CLASP1: variants seen among roughly 807,000 people sequenced by gnomAD.
CLASP1 encodes the protein cytoplasmic linker associated protein 1, also known as CLIP-associating protein 1.
CLASP1 carries 38 observed loss-of-function variants against 192.3 expected under a neutral mutation model. That is an observed-to-expected ratio of 0.20 (90% CI 0.15 to 0.26). The LOEUF (loss-of-function observed/expected upper bound fraction) is 0.26. CLASP1 is among the 10% of genes least tolerant of loss of function. The probability of loss-of-function intolerance (pLI) is 1.00; values close to 1 mark genes in which losing one functional copy is unlikely to be tolerated. For missense variants in CLASP1, 1,433 were observed against 1,932.5 expected (o/e 0.74, Z 4.85); for synonymous variants, 691 against 712.8 (o/e 0.97, Z 0.49).
intron 2 of CLASP1, among the ~76,000 whole-genome samples, chr2:121,573,877 C>A (rs2060207557): frequency 6.6e-6 from 1 of 152,172 alleles, no homozygotes; most frequent in South Asian, 2.1e-4. Context: ...GCAACTGTGT[C>A]CTGTGAAACC....
At chr2:121,509,834 C>A (rs534358921) in intron 7 of CLASP1, among the ~76,000 whole-genome samples, 4 of 151,916 alleles carry the variant, frequency 2.6e-5, no homozygotes, top group African/African-American at 9.7e-5. Context: ...TGAGACTCTG[C>A]CTCAAAAAAA....
intron 9 of CLASP1, among the ~76,000 whole-genome samples, chr2:121,469,096 T>C (rs1451605460): frequency 1.3e-5 from 2 of 152,216 alleles, no homozygotes; most frequent in Non-Finnish European, 1.5e-5. Flanking sequence ...GTGGGGCTGC[T>C]GCTACTCAGC....
chr2:121,601,712 T>C (rs1270389141), intron 2 of CLASP1, among the ~76,000 whole-genome samples: 3 of 152,166 alleles, frequency 2.0e-5, no homozygotes, highest in Non-Finnish European at 4.4e-5. Context: ...GTAGGTAAAA[T>C]TGTCTCTGTT....
chr2:121,369,151 C>T (rs1195096666), intron 34 of CLASP1, among the ~76,000 whole-genome samples: 1 of 152,174 alleles, frequency 6.6e-6, no homozygotes, highest in African/African-American at 2.4e-5. Context: ...TGCCTTTTGG[C>T]TCTTGTGAAT....
At chr2:121,447,404 G>A (rs1237118260) in exon 19 of CLASP1, 4 of 1,576,642 alleles carry the variant, frequency 2.5e-6, no homozygotes, top group Non-Finnish European at 3.4e-6. Flanking sequence ...CCGAAGATGA[G>A]GAGACTTTGG....
At chr2:121,351,534 C>T (rs2064409437) in intron 37 of CLASP1, among the ~76,000 whole-genome samples, 1 of 152,196 alleles carries the variant, frequency 6.6e-6, no homozygotes, top group African/African-American at 2.4e-5. Flanking sequence ...AGCCCTACCT[C>T]CCTCAAGTCT....
intron 34 of CLASP1, among the ~76,000 whole-genome samples, chr2:121,368,533 C>T (rs528774115): frequency 3.3e-5 from 5 of 152,086 alleles, no homozygotes; most frequent in East Asian, 3.9e-4. Flanking sequence ...GACATGGTAT[C>T]GACAAGAGCA....
chr2:121,622,567 C>CA (rs60748257), intron 1 of CLASP1, among the ~76,000 whole-genome samples: 34,677 of 133,838 alleles, frequency 0.26, 6,219 homozygotes, highest in African/African-American at 0.53. Context: ...GACCCTGTCT[C>CA]AAAAAAAAAA....
intron 6 of CLASP1, among the ~76,000 whole-genome samples, chr2:121,517,592 C>T (rs2094335446): frequency 6.6e-6 from 1 of 152,092 alleles, no homozygotes; most frequent in Non-Finnish European, 1.5e-5. Flanking sequence ...TGGTGGCTCA[C>T]ACCTGTAATC....
intron 1 of CLASP1, among the ~76,000 whole-genome samples, chr2:121,628,036 A>T (rs1287108048): frequency 1.3e-5 from 2 of 152,216 alleles, no homozygotes; most frequent in African/African-American, 4.8e-5. Flanking sequence ...CATACACTTT[A>T]AGTCTGTACT....
intron 32 of CLASP1, among the ~76,000 whole-genome samples, chr2:121,382,675 C>T (rs72967324): frequency 0.039 from 5,870 of 152,244 alleles, 159 homozygotes; most frequent in East Asian, 0.14. Flanking sequence ...TAACACAATA[C>T]ACAAGAAAAT....
In CLASP1 at chr2:121,444,895, AGAGAAAGT is replaced by A. The variant is rs746297375; in HGVS notation, c.1912+2434_1912+2441del. ...CAACACTCGGTGAGAACAGAGGACC[AGAGAAAGT>A]GAGACACACCTCAATCACAGAAACA... On this transcript the variant is annotated intron_variant, in intron 19 of 39. Transcript: ENST00000263710. 3 of 1,307,510 alleles carry A rather than the reference AGAGAAAGT, an allele frequency of 2.3e-6. No individual in the cohort carries two copies. In the South Asian group the frequency reaches 3.6e-5, roughly 16 times the overall value. The allele number at this position is 1,307,510 out of a possible 1,614,324, so 81.0% of individuals were successfully genotyped here. A position where few individuals can be genotyped will look rare whatever the true frequency, so the allele number is the denominator to read the frequency against.
At chr2:121,528,210 A>G in intron 4 of CLASP1, among the ~76,000 whole-genome samples, 1 of 151,880 alleles carries the variant, frequency 6.6e-6, no homozygotes, top group East Asian at 1.9e-4. Flanking sequence ...GCCAAAGATC[A>G]CACACTCACA....
chr2:121,619,998 G>A (rs1480757702), intron 1 of CLASP1, among the ~76,000 whole-genome samples: 1 of 152,074 alleles, frequency 6.6e-6, no homozygotes, highest in African/African-American at 2.4e-5. Context: ...CAGGTGGGTG[G>A]ATCACCTGAG....
chr2:121,382,142 T>C, intron 33 of CLASP1, 66 bp downstream of exon 34: 2 of 1,317,870 alleles, frequency 1.5e-6, no homozygotes, highest in Non-Finnish European at 2.1e-6. Context: ...CCCAAAGACC[T>C]GAGACGACCT....
chr2:121,475,496 A>T (rs1257137289), intron 8 of CLASP1, among the ~76,000 whole-genome samples: 1 of 152,224 alleles, frequency 6.6e-6, no homozygotes, highest in Non-Finnish European at 1.5e-5. Context: ...CCATGGTTAC[A>T]GTCCAGGATG....
intron 22 of CLASP1, among the ~76,000 whole-genome samples, chr2:121,424,736 A>C (rs2080094541): frequency 6.6e-6 from 1 of 152,248 alleles, no homozygotes; most frequent in Non-Finnish European, 1.5e-5. Context: ...GAAGATCAGA[A>C]TTAAAATAAA....
Position 121,630,173 on chromosome 2 carries a change from G to A in CLASP1, c.-286+19199C>T, listed in dbSNP as rs184495747. The stretch of plus-strand genomic sequence containing the variant: ...GACCTCAAGCGATCCACCCGCCTCC[G>A]CCTCCCAAACTGCTGGGATTACAGG... On this transcript the variant is annotated intron_variant, in intron 1 of 39. Transcript: ENST00000263710. Among the ~76,000 whole-genome samples the A allele has an allele frequency of 2.0e-4, 30 of 152,112 alleles. No individual in the cohort carries two copies. The East Asian group carries it at 5.3e-3, about 27-fold the overall frequency.
chr2:121,600,764 C>A (rs1052238526), intron 2 of CLASP1, among the ~76,000 whole-genome samples: 2 of 152,214 alleles, frequency 1.3e-5, no homozygotes, highest in Non-Finnish European at 2.9e-5. Context: ...CTACCCCAGT[C>A]CCATCCCCAA....
Sources: allele counts gnomAD v4.1 joint callset (sites outside exome capture counted in the v4.1 genomes callset), GRCh38; gene constraint gnomAD v4.1.1; transcripts MANE v1.5; gene names NCBI Gene and HGNC (gene_info 2026-07-23, HGNC 2026-07-21).